Variants in CERS3 observed in about 807,000 individuals in gnomAD.
CERS3 encodes LAG1 homolog, ceramide synthase 3.
Under a neutral mutation model 50.3 loss-of-function variants are expected in CERS3, and 33 were observed. The observed-to-expected ratio is 0.66, with a 90% confidence interval of 0.50 to 0.88. The LOEUF is 0.88. CERS3 is among the 40% of genes least tolerant of loss of function. The probability of loss-of-function intolerance (pLI) is 0.00; values close to 1 mark genes in which losing one functional copy is unlikely to be tolerated. For synonymous variants in CERS3, 176 were observed against 155.2 expected (o/e 1.13, Z -0.99); for missense variants, 470 against 460.3 (o/e 1.02, Z -0.19).
At chr15:100,517,235 T>C (rs763190641) in intron 2 of CERS3, among the ~76,000 whole-genome samples, 1 of 152,272 alleles carries the variant, frequency 6.6e-6, no homozygotes, top group Non-Finnish European at 1.5e-5. Context: ...TTACCTAATG[T>C]AATGCCTGGC....
At chr15:100,466,137 G>A (rs910111289) in intron 10 of CERS3, among the ~76,000 whole-genome samples, 3 of 152,192 alleles carry the variant, frequency 2.0e-5, no homozygotes, top group Non-Finnish European at 4.4e-5. Flanking sequence ...AGAAATGCTG[G>A]CATGAGAATG....
chr15:100,467,388 G>T (rs1477400349), intron 10 of CERS3, among the ~76,000 whole-genome samples: 1 of 152,020 alleles, frequency 6.6e-6, no homozygotes, highest in East Asian at 1.9e-4. Flanking sequence ...CTGCAACCTG[G>T]GTGTATGTTT....
In CERS3 at chr15:100,430,907, G is replaced by A. The variant is rs930207975; in HGVS notation, c.999+24986C>T. 1.4e-4 allele frequency among the ~76,000 whole-genome samples: 21 copies of A among 152,136 alleles called. 1 individual carries two copies. The highest frequency in any genetic ancestry group is 4.1e-4 in the South Asian group (2 of 4,830). On this transcript the variant is annotated intron_variant, in intron 11 of 11. Transcript: ENST00000679737. ...CTGTGAACTCTGGCTACGCGTGGCCGTTTTCCTTTCAGTTGTCTGGAATAT... is the reference window on the plus strand; with the variant it reads ...CTGTGAACTCTGGCTACGCGTGGCCATTTTCCTTTCAGTTGTCTGGAATAT...
intron 11 of CERS3, among the ~76,000 whole-genome samples, chr15:100,415,329 T>C (rs1469643668): frequency 1.4e-5 from 2 of 144,558 alleles, no homozygotes; most frequent in African/African-American, 2.9e-5. Context: ...TTATTGGGAA[T>C]GCAAATTAAA....
At chr15:100,465,701 C>G (rs1047836445) in intron 10 of CERS3, among the ~76,000 whole-genome samples, 8 of 151,712 alleles carry the variant, frequency 5.3e-5, no homozygotes, top group Non-Finnish European at 1.0e-4. Context: ...TCTTGTCACC[C>G]AGGCTGGAGT....
intron 11 of CERS3, among the ~76,000 whole-genome samples, chr15:100,407,336 G>A (rs954843720): frequency 2.0e-5 from 3 of 152,204 alleles, no homozygotes; most frequent in African/African-American, 4.8e-5. Flanking sequence ...GATCCCAACT[G>A]TATAGGGCCT....
intron 1 of CERS3, among the ~76,000 whole-genome samples, chr15:100,538,126 G>A (rs1385476159): frequency 1.3e-5 from 2 of 152,210 alleles, no homozygotes; most frequent in Non-Finnish European, 2.9e-5. Flanking sequence ...TGCAAGAGGT[G>A]GTTTCCTGTC....
At chr15:100,484,340 C>G (rs915422721) in intron 5 of CERS3, among the ~76,000 whole-genome samples, 1 of 152,046 alleles carries the variant, frequency 6.6e-6, no homozygotes. Context: ...TCGGGAGGCC[C>G]GATAAATAGA....
chr15:100,505,489 G>C (rs951793590), intron 2 of CERS3, among the ~76,000 whole-genome samples: 1 of 152,202 alleles, frequency 6.6e-6, no homozygotes, highest in Admixed American at 6.5e-5. Context: ...AGTCCAAACT[G>C]AGAAAGACAA....
In CERS3 at chr15:100,490,857, A is replaced by G; in HGVS notation, c.248T>C (p.Leu83Ser). The stretch of plus-strand genomic sequence containing the variant: ...TGTGGAATGTTTGAAAAAATTCTCT[A>G]AGACAGTATTTGGTGTAACCTTTCG... ...TVRKVTPNTV[L>S]ENFFKHSTRQ... Residue 83 changes from leucine to serine, a missense_variant, in exon 4 of 12, where the codon TTA becomes TCA. Coordinates refer to ENST00000679737, the MANE Select transcript of CERS3 (RefSeq NM_001378789.1). 1 of 1,612,578 alleles carries G rather than the reference A, an allele frequency of 6.2e-7. No individual in the cohort carries two copies. The highest frequency in any genetic ancestry group is 1.1e-5 in the South Asian group (1 of 90,962).
At chr15:100,482,424 G>A (rs572724547) in intron 5 of CERS3, among the ~76,000 whole-genome samples, 268 of 152,192 alleles carry the variant, frequency 1.8e-3, no homozygotes, top group South Asian at 7.7e-3. Flanking sequence ...AGAGTGGGCC[G>A]TGGACTGCAT....
intron 3 of CERS3, among the ~76,000 whole-genome samples, chr15:100,499,404 A>T (rs906224694): frequency 6.6e-6 from 1 of 152,228 alleles, no homozygotes; most frequent in African/African-American, 2.4e-5. Context: ...TAAGACACAA[A>T]CTATAACTTT....
chr15:100,433,386 A>G (rs545086586), intron 11 of CERS3, among the ~76,000 whole-genome samples: 13 of 152,254 alleles, frequency 8.5e-5, no homozygotes, highest in African/African-American at 3.1e-4. Context: ...CAACATGAAC[A>G]TATAGCTTCA....
At chr15:100,451,341 C>G (rs1404737199) in intron 11 of CERS3, among the ~76,000 whole-genome samples, 1 of 152,166 alleles carries the variant, frequency 6.6e-6, no homozygotes, top group African/African-American at 2.4e-5. Context: ...AAGATATAGA[C>G]TAGCTGAATG....
At chr15:100,444,927 A>G (rs1459085287) in intron 11 of CERS3, among the ~76,000 whole-genome samples, 1 of 152,154 alleles carries the variant, frequency 6.6e-6, no homozygotes, top group Non-Finnish European at 1.5e-5. Flanking sequence ...TTTATTCATC[A>G]AATCAGCCAA....
chr15:100,535,053 C>A (rs569031880), intron 1 of CERS3, among the ~76,000 whole-genome samples: 67 of 152,292 alleles, frequency 4.4e-4, no homozygotes, highest in African/African-American at 1.2e-3. Context: ...TAAAACCAAG[C>A]TGTGCCCCTA....
Position 100,475,219 on chromosome 15 carries a change from C to T in CERS3, c.609+867G>A, listed in dbSNP as rs113457962. Among the ~76,000 whole-genome samples, 938 of 152,288 alleles carry T rather than the reference C, an allele frequency of 6.2e-3. 11 individuals carry two copies. Among genetic ancestry groups the T allele is most frequent in the African/African-American group, 0.021 (881 of 41,556 alleles). ...AAATGGAGATTATTTCTATCAGATA[C>T]TTTCACAGTATGTGCTTATACTTAG... On this transcript the variant is annotated intron_variant, in intron 8 of 11. Coordinates refer to ENST00000679737, the MANE Select transcript of CERS3 (RefSeq NM_001378789.1).
intron 3 of CERS3, among the ~76,000 whole-genome samples, chr15:100,500,696 G>T (rs187734130): frequency 6.6e-6 from 1 of 152,322 alleles, no homozygotes; most frequent in East Asian, 1.9e-4. Flanking sequence ...CTCAGCCAGG[G>T]TTTAGTGGTT....
At chr15:100,450,584 T>C (rs1400482216) in intron 11 of CERS3, among the ~76,000 whole-genome samples, 1 of 152,094 alleles carries the variant, frequency 6.6e-6, no homozygotes, top group Non-Finnish European at 1.5e-5. Context: ...AAACAACTTA[T>C]TGAACTTTTG....
Sources: gnomAD v4.1 joint callset for allele counts (sites outside exome capture counted in the v4.1 genomes callset) on GRCh38, gnomAD v4.1.1 for gene constraint, MANE v1.5 for transcripts, NCBI Gene and HGNC (gene_info 2026-07-23, HGNC 2026-07-21) for gene names.